Variants in SNX25 observed in about 807,000 individuals in gnomAD.
The protein encoded by SNX25 is sorting nexin 25.
In SNX25, 62 loss-of-function variants were observed where a neutral mutation model predicts 113.7. The observed-to-expected ratio is 0.55, with a 90% CI of 0.44 to 0.67. The LOEUF (loss-of-function observed/expected upper bound fraction) is 0.67, where lower values mean the gene tolerates loss of function less well. Ranked by LOEUF, SNX25 falls within the 30% of genes least tolerant of loss-of-function variation. The pLI is 0.00. For synonymous variants in SNX25, 421 were observed against 436.2 expected (o/e 0.97, Z 0.43); for missense variants, 1,014 against 1,161.0 (o/e 0.87, Z 1.84).
downstream of SNX25, chr4:185,367,155 G>T (rs777571533): frequency 1.6e-5 from 25 of 1,592,046 alleles, no homozygotes; most frequent in Non-Finnish European, 2.0e-5. Flanking sequence ...TAGCATTGAT[G>T]ATCTTTGTTG....
At chr4:185,355,237 A>C in intron 15 of SNX25, among the ~76,000 whole-genome samples, 1 of 152,250 alleles carries the variant, frequency 6.6e-6, no homozygotes, top group African/African-American at 2.4e-5. Flanking sequence ...AAAAATGTTA[A>C]GTGCCAGAAT....
intron 17 of SNX25, 167 bp downstream of exon 17, chr4:185,362,272 G>A (rs2095368602): frequency 1.0e-6 from 1 of 985,154 alleles, no homozygotes; most frequent in African/African-American, 1.7e-5. Flanking sequence ...GTTATACTGA[G>A]AATGTTAAGA....
At position 185,329,875 on chromosome 4, in the gene SNX25, G is replaced by A. The variant is rs186821466; in HGVS notation, c.1750-2720G>A. Among the ~76,000 whole-genome samples the A allele has an allele frequency of 1.6e-3, 237 of 152,104 alleles. 1 individual carries two copies. Among genetic ancestry groups the A allele is most frequent in the African/African-American group, 5.5e-3 (227 of 41,502 alleles). ...GTTGTCTTCCTCACGCAAATCACTCGAAAAGTGAAGTGAGAGACAAGACTG... is the reference window on the plus strand; with the variant it reads ...GTTGTCTTCCTCACGCAAATCACTCAAAAAGTGAAGTGAGAGACAAGACTG... On this transcript the variant is annotated intron_variant, in intron 9 of 18. Coordinates refer to ENST00000652585, the MANE Select transcript of SNX25 (RefSeq NM_001378034.2).
At position 185,310,803 on chromosome 4, in the gene SNX25, C is replaced by T. The variant is rs759760532; in HGVS notation, c.1331C>T (p.Pro444Leu). 4 of 1,610,952 alleles carry T rather than the reference C, an allele frequency of 2.5e-6. No individual in the cohort carries two copies. Among genetic ancestry groups the T allele is most frequent in the Non-Finnish European group, 1.7e-6 (2 of 1,178,840 alleles). ...GGGGCCCTGGATGAGGGGGAAGGGC[C>T]TCAAAGCCAGAAGGTAGAACTTTAT... ...EDGALDEGEG[P>L]QSQKILQFED... Residue 444 changes from proline to leucine, a missense_variant, in exon 7 of 19, where the codon CCT becomes CTT. Physicochemically the swap from Pro to Leu is moderately conservative, Grantham distance 98. Transcript: ENST00000652585.
Position 185,363,554 on chromosome 4 carries a change from C to T in SNX25, c.*89C>T, listed in dbSNP as rs1164427558. On this transcript the variant is annotated 3_prime_UTR_variant, in exon 19 of 19. Coordinates refer to ENST00000652585, the MANE Select transcript of SNX25 (RefSeq NM_001378034.2). The surrounding 1 kb of genome is among the most constrained non-coding windows in gnomAD (Gnocchi z 4.2). The stretch of plus-strand genomic sequence containing the variant: ...TTTCCACAGAGGGCTTAACTGAGAA[C>T]CGTATTGATTTTTATTTTAGTTACC... 8.0e-7 allele frequency: 1 copy of T among 1,245,310 alleles called. No individual in the cohort carries two copies. 77.1% of individuals were successfully genotyped at this position (1,245,310 alleles called of 1,614,324 possible). A position where few individuals can be genotyped will look rare whatever the true frequency, so the allele number is the denominator to read the frequency against.
intron 2 of SNX25, among the ~76,000 whole-genome samples, chr4:185,252,679 G>A (rs1745841211): frequency 6.6e-6 from 1 of 152,180 alleles, no homozygotes; most frequent in Non-Finnish European, 1.5e-5. Context: ...ACATGTTTGT[G>A]TGTAGATATT....
In SNX25 at chr4:185,210,066, G is replaced by C; in HGVS notation, c.240G>C (p.Glu80Asp). 1.0e-6 allele frequency: 1 copy of C among 982,670 alleles called. No individual in the cohort carries two copies. The allele number at this position is 982,670 out of a possible 1,614,324, so 60.9% of individuals were successfully genotyped here. A position where few individuals can be genotyped will look rare whatever the true frequency, so the allele number is the denominator to read the frequency against. Reference sequence around the variant, plus strand: ...CCTTCCTGGGGCCCGGCAGCGGGGAGGCGGCGGGGGCCGCGGGGCTGAGCT... The same window carrying C: ...CCTTCCTGGGGCCCGGCAGCGGGGACGCGGCGGGGGCCGCGGGGCTGAGCT... ...ALSFLGPGSG[E>D]AAGAAGLSSV... is the part of the protein sequence containing the mutation. The change falls in exon 1 of 19, where the codon GAG becomes GAC. Residue 80 changes from glutamate (E) to aspartate (D), a missense_variant. Physicochemically the swap from Glu to Asp is conservative, Grantham distance 45. Coordinates refer to ENST00000652585, the MANE Select transcript of SNX25 (RefSeq NM_001378034.2). The surrounding 1 kb of genome is among the most constrained non-coding windows in gnomAD (Gnocchi z 4.4).
At chr4:185,256,899 C>T (rs1298745019) in intron 2 of SNX25, among the ~76,000 whole-genome samples, 1 of 152,032 alleles carries the variant, frequency 6.6e-6, no homozygotes, top group African/African-American at 2.4e-5. Context: ...TCTGGGATTA[C>T]AGGAATGAGC....
At chr4:185,371,355 T>A (rs113696773), downstream of SNX25, among the ~76,000 whole-genome samples, 1 of 151,856 alleles carries the variant, frequency 6.6e-6, no homozygotes, top group African/African-American at 2.4e-5. Flanking sequence ...CTGGCTAACA[T>A]GGTGAAACCC....
At chr4:185,233,118 T>C (rs763974929) in intron 1 of SNX25, among the ~76,000 whole-genome samples, 1 of 152,042 alleles carries the variant, frequency 6.6e-6, no homozygotes, top group Non-Finnish European at 1.5e-5. Context: ...ACCCCGTCTC[T>C]ACTAAAAATA....
chr4:185,271,648 A>G (rs1326330653), intron 5 of SNX25, among the ~76,000 whole-genome samples: 1 of 152,246 alleles, frequency 6.6e-6, no homozygotes, highest in East Asian at 1.9e-4. Flanking sequence ...TTACATTACT[A>G]TCTTCAAATT....
intron 9 of SNX25, among the ~76,000 whole-genome samples, chr4:185,329,678 A>G (rs1043153624): frequency 2.0e-5 from 3 of 150,532 alleles, no homozygotes; most frequent in African/African-American, 7.5e-5. Context: ...AGGAAGACAG[A>G]CACAGAGAGA....
chr4:185,238,877 G>C (rs72708030), intron 1 of SNX25, among the ~76,000 whole-genome samples: 1 of 152,112 alleles, frequency 6.6e-6, no homozygotes, highest in Non-Finnish European at 1.5e-5. Context: ...TTACAGGTTG[G>C]CTGCCCTGGC....
At chr4:185,252,298 T>A (rs1560936327) in intron 2 of SNX25, among the ~76,000 whole-genome samples, 2 of 152,160 alleles carry the variant, frequency 1.3e-5, no homozygotes, top group Admixed American at 1.3e-4. Context: ...GTGGTTATAA[T>A]TTGCATCTCT....
intron 1 of SNX25, among the ~76,000 whole-genome samples, chr4:185,236,384 C>T (rs138511477): frequency 6.6e-6 from 1 of 152,222 alleles, no homozygotes; most frequent in East Asian, 1.9e-4. Flanking sequence ...AAAAGACTCC[C>T]CTGTGAAGCA....
Position 185,259,015 on chromosome 4 carries a change from G to T in SNX25, c.682G>T (p.Val228Leu), listed in dbSNP as rs1177783673. 1.2e-6 allele frequency: 2 copies of T among 1,614,174 alleles called. No individual in the cohort carries two copies. Among genetic ancestry groups the T allele is most frequent in the Admixed American group, 1.7e-5 (1 of 60,018 alleles). Residue 228 changes from valine (V) to leucine (L), a missense_variant, in exon 3 of 19, where the codon GTG becomes TTG. Transcript: ENST00000652585. ...GGTTAAAGTTGTCTGCAATGATGTT[G>T]TGAGGACTTTACTCACTCATTTCTG... The part of the protein sequence containing the change: ...DVVKVVCNDV[V>L]RTLLTHFCDL...
intron 1 of SNX25, among the ~76,000 whole-genome samples, chr4:185,239,073 G>A (rs1443652947): frequency 1.3e-5 from 2 of 152,146 alleles, no homozygotes; most frequent in Admixed American, 6.5e-5. Flanking sequence ...AAGACAGTTT[G>A]AGCGCATTAC....
At chr4:185,300,682 C>T (rs1753531843) in intron 6 of SNX25, among the ~76,000 whole-genome samples, 1 of 150,932 alleles carries the variant, frequency 6.6e-6, no homozygotes, top group African/African-American at 2.4e-5. Context: ...ATAGAATGTC[C>T]TGCTATGGTT....
At chr4:185,297,752 GAAT>G (rs1207570484) in intron 6 of SNX25, among the ~76,000 whole-genome samples, 1 of 152,130 alleles carries the variant, frequency 6.6e-6, no homozygotes, top group African/African-American at 2.4e-5. Flanking sequence ...GGGAGAAGGA[GAAT>G]TCTAGTCTTT....
Sources: allele counts gnomAD v4.1 joint callset (sites outside exome capture counted in the v4.1 genomes callset), GRCh38; gene constraint gnomAD v4.1.1; non-coding constraint Gnocchi (gnomAD v3.1); transcripts MANE v1.5; gene names NCBI Gene and HGNC (gene_info 2026-07-23, HGNC 2026-07-21).